The following UQCRC1 variants were observed in gnomAD, a reference collection of about 807,000 sequenced individuals.
UQCRC1 encodes ubiquinol-cytochrome c reductase core protein 1.
Under a neutral mutation model 58.0 loss-of-function variants are expected in UQCRC1, and 34 were observed. The observed-to-expected ratio is 0.59, with a 90% CI of 0.45 to 0.78. The LOEUF (loss-of-function observed/expected upper bound fraction) is 0.78, where lower values mean the gene tolerates loss of function less well. UQCRC1 is among the 30% of genes least tolerant of loss of function. The probability of loss-of-function intolerance (pLI) is 0.00; values close to 1 mark genes in which losing one functional copy is unlikely to be tolerated. For missense variants in UQCRC1, 610 were observed against 646.0 expected (o/e 0.94, Z 0.60); for synonymous variants, 276 against 248.8 (o/e 1.11, Z -1.03).
rs778960903 is a variant in UQCRC1, at chr3:48,600,075, T to C, written c.1290A>G (p.Glu430=). The change falls in exon 11 of 13, where the codon GAA becomes GAG. Residue 430 remains glutamate (E), a synonymous_variant. Coordinates refer to ENST00000203407, the MANE Select transcript of UQCRC1 (RefSeq NM_003365.3). ...YGRRIPLAEW[E]SRIAEVDASV... is the part of the protein sequence containing the mutation. ...GGGTCCATGTTACCGCAATCCGGCT[T>C]TCCCATTCAGCCAGGGGGATGCGGC... 10 of 1,614,014 alleles carry C rather than the reference T, an allele frequency of 6.2e-6. No individual in the cohort carries two copies. The African/African-American group carries it at 1.1e-4, about 17-fold the overall frequency.
At chr3:48,604,878 G>A in intron 3 of UQCRC1, 98 bp from the exon 4 acceptor site, 1 of 1,524,726 alleles carries the variant, frequency 6.6e-7, no homozygotes, top group Non-Finnish European at 8.9e-7. Context: ...CTGGTCCACA[G>A]GTACCTCCCT....
At chr3:48,605,498 C>A (rs2046403310) in intron 3 of UQCRC1, among the ~76,000 whole-genome samples, 1 of 152,186 alleles carries the variant, frequency 6.6e-6, no homozygotes, top group Middle Eastern at 3.2e-3. Context: ...ATGTGCATAT[C>A]TACGTGTGTT....
chr3:48,600,429 G>A, intron 10 of UQCRC1, 53 bp downstream of exon 10: 1 of 1,603,332 alleles, frequency 6.2e-7, no homozygotes. Context: ...CCACCTTGGT[G>A]CTGTCGCTGG....
In UQCRC1 at chr3:48,603,938, C is replaced by T. The variant is rs1253425838; in HGVS notation, c.626+295G>A. 1.7e-5 allele frequency: 10 copies of T among 583,098 alleles called. No individual in the cohort carries two copies. In the East Asian group the frequency reaches 2.6e-4, roughly 15 times the overall value. 36.1% of individuals were successfully genotyped at this position (583,098 alleles called of 1,614,324 possible). Reference sequence around the variant, plus strand: ...CTCAAAAGGGCAGCATCAAAGCTCCCGGAGCCATCCACAAAGGAGACAAGA... The same window carrying T: ...CTCAAAAGGGCAGCATCAAAGCTCCTGGAGCCATCCACAAAGGAGACAAGA... On this transcript the variant is annotated intron_variant, in intron 5 of 12. Transcript: ENST00000203407.
intron 6 of UQCRC1, among the ~76,000 whole-genome samples, chr3:48,603,284 C>T (rs1329701343): frequency 1.3e-5 from 2 of 152,168 alleles, no homozygotes; most frequent in African/African-American, 4.8e-5. Context: ...GAGCTTACAT[C>T]CCCTACCAGC....
chr3:48,599,810 T>G, intron 11 of UQCRC1, 100 bp from the exon 12 acceptor site: 1 of 1,320,532 alleles, frequency 7.6e-7, no homozygotes, highest in Non-Finnish European at 1.1e-6. Flanking sequence ...ACAGGCAGCA[T>G]GCAGCTGTCC....
intron 3 of UQCRC1, 26 bp from the exon 4 acceptor site, chr3:48,604,806 A>C: frequency 6.2e-7 from 1 of 1,613,138 alleles, no homozygotes; most frequent in Non-Finnish European, 8.5e-7. Context: ...AACCAGAACA[A>C]TCAGGAGCTA....
Position 48,599,666 on chromosome 3 carries a change from G to T in UQCRC1, c.1347C>A (p.Ile449=), listed in dbSNP as rs778494847. Residue 449 remains isoleucine (I), a synonymous_variant, in exon 12 of 13, where the codon ATC becomes ATA. Coordinates refer to ENST00000203407, the MANE Select transcript of UQCRC1 (RefSeq NM_003365.3). ...SVVREICSKY[I]YDQCPAVAGY... is the part of the protein sequence containing the mutation. ...CAGCCACTGCTGGGCACTGGTCATA[G>T]ATGTACTTGGAGCAGATCTCACGTA... 6.2e-7 allele frequency: 1 copy of T among 1,613,940 alleles called. No homozygotes were observed. The highest frequency in any genetic ancestry group is 1.1e-5 in the South Asian group (1 of 91,080).
intron 6 of UQCRC1, among the ~76,000 whole-genome samples, chr3:48,602,053 CTT>C (rs35090371): frequency 1.4e-4 from 20 of 140,628 alleles, no homozygotes; most frequent in African/African-American, 2.1e-4. Context: ...TTGCATTGGC[CTT>C]TTTTTTTTTT....
In UQCRC1 at chr3:48,599,728, G is replaced by A. The variant is rs753033546; in HGVS notation, c.1303-18C>T. ...TCCACCTCCTGCAGGGTGAGGCAGAGGGCATACTGGCTAACGGGCACCTGG... is the reference window on the plus strand; with the variant it reads ...TCCACCTCCTGCAGGGTGAGGCAGAAGGCATACTGGCTAACGGGCACCTGG... On this transcript the variant is annotated intron_variant, in intron 11 of 12. Transcript: ENST00000203407. 6.2e-7 allele frequency: 1 copy of A among 1,613,278 alleles called. No individual in the cohort carries two copies. The highest frequency in any genetic ancestry group is 8.5e-7 in the Non-Finnish European group (1 of 1,179,792).
At chr3:48,605,683 T>C (rs1367776126) in intron 3 of UQCRC1, 87 bp downstream of exon 3, 6 of 1,355,354 alleles carry the variant, frequency 4.4e-6, no homozygotes, top group African/African-American at 1.5e-5. Context: ...CTGAGGCCCA[T>C]AATCAGGCTA....
At chr3:48,603,865 C>G in intron 5 of UQCRC1, 1 of 596,454 alleles carries the variant, frequency 1.7e-6, no homozygotes, top group Non-Finnish European at 3.0e-6. Context: ...GACTTCAGGA[C>G]AGGCTCATAG....
intron 11 of UQCRC1, 54 bp from the exon 12 acceptor site, chr3:48,599,764 A>C: frequency 6.4e-7 from 1 of 1,560,500 alleles, no homozygotes; most frequent in East Asian, 2.2e-5. Context: ...CCACCACCTC[A>C]GCCAGTCAGC....
intron 5 of UQCRC1, 95 bp from the exon 6 acceptor site, chr3:48,603,738 G>C (rs2107845463): frequency 8.6e-7 from 1 of 1,166,854 alleles, no homozygotes; most frequent in South Asian, 1.3e-5. Flanking sequence ...GACTAGGAGA[G>C]GCATGGTTTC....
At position 48,599,080 on chromosome 3, in the gene UQCRC1, G is replaced by C. The variant is rs575926762; in HGVS notation, c.*48C>G. On this transcript the variant is annotated 3_prime_UTR_variant, in exon 13 of 13. Transcript: ENST00000203407. ...GAAGTGCTGTGTTTGTGGTGGGGGG[G>C]GGACCACAAACCCCGGCCCTGCCCT... is the stretch of plus-strand genomic sequence containing the variant. The C allele has an allele frequency of 2.1e-5, 33 of 1,601,606 alleles. No individual in the cohort carries two copies. The highest frequency in any genetic ancestry group is 2.0e-4 in the East Asian group (9 of 44,640).
At chr3:48,600,458 T>A in intron 10 of UQCRC1, 24 bp downstream of exon 10, 1 of 1,613,620 alleles carries the variant, frequency 6.2e-7, no homozygotes, top group South Asian at 1.1e-5. Flanking sequence ...ACTCTACCCC[T>A]CCCCGCTGAG....
intron 6 of UQCRC1, among the ~76,000 whole-genome samples, chr3:48,601,736 C>G (rs2046368055): frequency 6.6e-6 from 1 of 152,174 alleles, no homozygotes; most frequent in Non-Finnish European, 1.5e-5. Flanking sequence ...GCCATGTGAT[C>G]CAAGTGTGGG....
intron 2 of UQCRC1, among the ~76,000 whole-genome samples, chr3:48,607,254 G>A (rs563749186): frequency 6.6e-6 from 1 of 152,166 alleles, no homozygotes; most frequent in African/African-American, 2.4e-5. Flanking sequence ...TGTTAGCCAG[G>A]ATGGTCTCAA....
At position 48,600,717 on chromosome 3, in the gene UQCRC1, T is replaced by C; in HGVS notation, c.1090A>G (p.Lys364Glu). 1 of 1,614,188 alleles carries C rather than the reference T, an allele frequency of 6.2e-7. No homozygotes were observed. The highest frequency in any genetic ancestry group is 1.1e-5 in the South Asian group (1 of 91,080). Residue 364 changes from lysine (K) to glutamate (E), a missense_variant, in exon 9 of 13, where the codon AAA becomes GAA. By Grantham distance (56) the Lys-to-Glu change is moderately conservative. Transcript: ENST00000203407. ...LGAHFVCDRM[K>E]IDDMMFVLQG... ...AGGACGAACATCATGTCATCGATTTTCATTCGGTCACAGACAAAGTGTGCA... is the reference window on the plus strand; with the variant it reads ...AGGACGAACATCATGTCATCGATTTCCATTCGGTCACAGACAAAGTGTGCA...
Sources: gnomAD v4.1 joint callset for allele counts (sites outside exome capture counted in the v4.1 genomes callset) on GRCh38, gnomAD v4.1.1 for gene constraint, MANE v1.5 for transcripts, NCBI Gene and HGNC (gene_info 2026-07-23, HGNC 2026-07-21) for gene names.